PACRG: variants seen among roughly 807,000 people sequenced by gnomAD.
PACRG encodes parkin coregulated gene protein.
A neutral mutation model predicts 29.7 loss-of-function variants in PACRG; 29 were observed. That is an observed-to-expected ratio of 0.98 (90% CI 0.73 to 1.33). PACRG has a LOEUF of 1.33. Among genes scored for constraint, PACRG ranks in the 40% most tolerant of loss-of-function variants. The pLI is 0.00. For synonymous variants in PACRG, 116 were observed against 118.7 expected, an observed-to-expected ratio of 0.98 and a Z score of 0.15; for missense variants, 279 against 316.2, an observed-to-expected ratio of 0.88 and a Z score of 0.89.
chr6:163,150,152 C>T (rs1230217810), intron 4 of PACRG, among the ~76,000 whole-genome samples: 1 of 152,310 alleles, frequency 6.6e-6, no homozygotes, highest in South Asian at 2.1e-4. Context: ...GGAGGTCTGC[C>T]ACCTGCCAAG....
intron 2 of PACRG, among the ~76,000 whole-genome samples, chr6:162,872,294 G>T (rs935519220): frequency 3.3e-5 from 5 of 152,154 alleles, no homozygotes; most frequent in African/African-American, 4.8e-5. Context: ...AAATCTGGAG[G>T]AAATTGGTCA....
At position 163,161,609 on chromosome 6, in the gene PACRG, T is replaced by C. The variant is rs1585280340; in HGVS notation, c.613+72201T>C. ...TATTTTGTGCACTTGTGTGTATATA[T>C]CTGAAAAATACAGTCTTAAGAATAG... On this transcript the variant is annotated intron_variant, in intron 4 of 4. Transcript: ENST00000366888. Among the ~76,000 whole-genome samples the C allele has an allele frequency of 7.9e-5, 12 of 152,360 alleles. 4 individuals are homozygous for C. Among genetic ancestry groups the C allele is most frequent in the Admixed American group, 7.8e-4 (12 of 15,306 alleles).
intron 2 of PACRG, among the ~76,000 whole-genome samples, chr6:162,988,221 C>CT (rs749717699): frequency 1.1e-4 from 17 of 152,180 alleles, no homozygotes; most frequent in Non-Finnish European, 1.9e-4. Context: ...ATCTTCCTCT[C>CT]TGAGTCCAGG....
At chr6:163,142,645 A>C (rs1291761678) in intron 4 of PACRG, among the ~76,000 whole-genome samples, 1 of 152,214 alleles carries the variant, frequency 6.6e-6, no homozygotes, top group Non-Finnish European at 1.5e-5. Context: ...AAAATATATG[A>C]ACATAGTTGT....
chr6:162,987,649 AACT>A (rs1248704270), intron 2 of PACRG, among the ~76,000 whole-genome samples: 3 of 152,146 alleles, frequency 2.0e-5, no homozygotes, highest in African/African-American at 7.2e-5. Flanking sequence ...AGCCAGGCGG[AACT>A]ATGAGTCCAT....
At chr6:163,193,969 T>G (rs1585320648) in intron 4 of PACRG, among the ~76,000 whole-genome samples, 1 of 150,974 alleles carries the variant, frequency 6.6e-6, no homozygotes, top group East Asian at 2.0e-4. Flanking sequence ...CTCGGCTCAG[T>G]GCAACCTCCA....
chr6:163,053,369 A>G (rs905609322), intron 2 of PACRG, among the ~76,000 whole-genome samples: 1 of 152,184 alleles, frequency 6.6e-6, no homozygotes, highest in African/African-American at 2.4e-5. Context: ...TATTCTCAGT[A>G]TCTTTTTTTA....
intron 4 of PACRG, among the ~76,000 whole-genome samples, chr6:163,302,221 T>TTC (rs924010578): frequency 2.6e-4 from 39 of 151,944 alleles, no homozygotes; most frequent in Admixed American, 9.2e-4. Flanking sequence ...TTAGATACTG[T>TTC]TCTCTCTCTC....
intron 2 of PACRG, among the ~76,000 whole-genome samples, chr6:162,916,892 G>C (rs1016672825): frequency 6.6e-6 from 1 of 152,084 alleles, no homozygotes; most frequent in African/African-American, 2.4e-5. Context: ...TTCTTTCTCA[G>C]ATCAGCAGTG....
chr6:163,060,174 T>G lies in PACRG; in HGVS notation c.292-1976T>G, dbSNP rs192357990. On this transcript the variant is annotated intron_variant, in intron 2 of 4. Coordinates refer to ENST00000366888, the MANE Select transcript of PACRG (RefSeq NM_001080379.2). ...GACCATAAATGTCAATGACTTAATG[T>G]ATTAAAATACAACATCTTAGGCCAT... is the stretch of plus-strand genomic sequence containing the variant. 4.0e-3 allele frequency among the ~76,000 whole-genome samples: 606 copies of G among 152,302 alleles called. 5 individuals carry two copies. Among genetic ancestry groups the G allele is most frequent in the African/African-American group, 0.014 (566 of 41,578 alleles).
intron 4 of PACRG, among the ~76,000 whole-genome samples, chr6:163,149,767 G>C (rs1777998296): frequency 6.6e-6 from 1 of 152,178 alleles, no homozygotes; most frequent in African/African-American, 2.4e-5. Flanking sequence ...AGTCCCTGCT[G>C]CGGATCGGAT....
intron 4 of PACRG, among the ~76,000 whole-genome samples, chr6:163,106,965 A>C (rs1188199189): frequency 4.6e-5 from 7 of 152,236 alleles, no homozygotes; most frequent in Non-Finnish European, 7.3e-5. Context: ...CTCTAGTTTC[A>C]CTTTTTTAAG....
At chr6:163,269,672 T>C (rs1335213698) in intron 4 of PACRG, among the ~76,000 whole-genome samples, 1 of 151,626 alleles carries the variant, frequency 6.6e-6, no homozygotes, top group East Asian at 1.9e-4. Flanking sequence ...GAGGCTTTTA[T>C]GGATCTTTAA....
chr6:163,289,005 C>T (rs1784489557), intron 4 of PACRG, among the ~76,000 whole-genome samples: 1 of 152,182 alleles, frequency 6.6e-6, no homozygotes, highest in Non-Finnish European at 1.5e-5. Context: ...GTGATAAAAG[C>T]AGTCCCTCCA....
rs139910900 is a variant in PACRG at position 163,057,477 on chromosome 6, G to A, written c.292-4673G>A. On this transcript the variant is annotated intron_variant, in intron 2 of 4. Coordinates refer to ENST00000366888, the MANE Select transcript of PACRG (RefSeq NM_001080379.2). Reference sequence around the variant, plus strand: ...GTCACCCAGGCTAGAGTGCAGTTGCGCAATCTTGGCTCACTACAGCCTGGA... The same window carrying A: ...GTCACCCAGGCTAGAGTGCAGTTGCACAATCTTGGCTCACTACAGCCTGGA... Among the ~76,000 whole-genome samples, 157 of 152,118 alleles carry A rather than the reference G, an allele frequency of 1.0e-3. 3 individuals are homozygous for A. In the East Asian group the frequency reaches 0.016, roughly 16 times the overall value.
intron 3 of PACRG, among the ~76,000 whole-genome samples, chr6:163,083,699 T>G (rs58822295): frequency 0.025 from 3,874 of 152,314 alleles, 177 homozygotes; most frequent in African/African-American, 0.088. Context: ...AATTGGAAGA[T>G]TCAGTCCTTT....
intron 4 of PACRG, among the ~76,000 whole-genome samples, chr6:163,148,969 G>A (rs1463024578): frequency 2.6e-5 from 2 of 78,182 alleles, no homozygotes; most frequent in Non-Finnish European, 5.8e-5. Flanking sequence ...GGCGGGGGGG[G>A]GGGGGGGGGG....
intron 2 of PACRG, among the ~76,000 whole-genome samples, chr6:162,913,871 A>G (rs1796489770): frequency 6.6e-6 from 1 of 152,112 alleles, no homozygotes; most frequent in African/African-American, 2.4e-5. Context: ...GTGTGCTTAT[A>G]TATCTTCTTT....
At chr6:163,148,895 A>G (rs1253855634) in intron 4 of PACRG, among the ~76,000 whole-genome samples, 1 of 142,438 alleles carries the variant, frequency 7.0e-6, no homozygotes, top group Non-Finnish European at 1.5e-5. Flanking sequence ...CTGCTGCACA[A>G]CTGACCGGTG....
Sources: gnomAD v4.1 joint callset for allele counts (sites outside exome capture counted in the v4.1 genomes callset) on GRCh38, gnomAD v4.1.1 for gene constraint, MANE v1.5 for transcripts, NCBI Gene and HGNC (gene_info 2026-07-23, HGNC 2026-07-21) for gene names.